The following SLC9C1 variants were observed in gnomAD, a reference collection of about 807,000 sequenced individuals.
The protein encoded by SLC9C1 is solute carrier family 9 member C1, also known as sodium/hydrogen exchanger 10.
SLC9C1 carries 97 observed loss-of-function variants against 140.9 expected under a neutral mutation model. The ratio of observed to expected loss-of-function variants is 0.69; its 90% CI spans 0.58 to 0.82. The LOEUF (loss-of-function observed/expected upper bound fraction) is 0.82, where lower values mean the gene tolerates loss of function less well. Among genes scored for constraint, SLC9C1 ranks in the 40% least tolerant of loss-of-function variants. SLC9C1 has a pLI of 0.00. For synonymous variants in SLC9C1, 440 were observed against 442.6 expected (o/e 0.99, Z 0.07); for missense variants, 1,340 against 1,389.3 (o/e 0.96, Z 0.56).
intron 12 of SLC9C1, among the ~76,000 whole-genome samples, chr3:112,237,995 T>C (rs1382882346): frequency 6.6e-6 from 1 of 152,216 alleles, no homozygotes; most frequent in Non-Finnish European, 1.5e-5. Context: ...TGAATTTGAA[T>C]GTTGGCCTGC....
Position 112,154,878 on chromosome 3 carries a change from T to C in SLC9C1, c.3417+119A>G, listed in dbSNP as rs897168754. ...AAAATAAGTGTTTTACACCAAAATC[T>C]ACAAAATGACTAGCAGATGAACTTT... On this transcript the variant is annotated intron_variant, in intron 27 of 28. Transcript: ENST00000305815. 9.8e-6 allele frequency: 9 copies of C among 919,552 alleles called. No homozygotes were observed. In the Admixed American group the frequency reaches 1.0e-4, roughly 11 times the overall value. 57.0% of individuals were successfully genotyped at this position (919,552 alleles called of 1,614,324 possible).
intron 13 of SLC9C1, among the ~76,000 whole-genome samples, chr3:112,224,525 G>A (rs558585073): frequency 1.0e-3 from 159 of 152,108 alleles, no homozygotes; most frequent in Middle Eastern, 3.4e-3. Flanking sequence ...ATGATATTAA[G>A]GAAACTCAGC....
chr3:112,292,710 AT>A (rs981108496), intron 1 of SLC9C1, among the ~76,000 whole-genome samples: 22 of 150,810 alleles, frequency 1.5e-4, no homozygotes, highest in African/African-American at 5.4e-4. Flanking sequence ...CGCCCGGCTA[AT>A]TTTTTGTATT....
intron 10 of SLC9C1, among the ~76,000 whole-genome samples, chr3:112,259,747 C>G (rs973746040): frequency 6.6e-6 from 1 of 152,116 alleles, no homozygotes; most frequent in Non-Finnish European, 1.5e-5. Context: ...TACAACAAAC[C>G]TGCACATGTA....
At chr3:112,216,208 A>C (rs1034230392) in intron 15 of SLC9C1, among the ~76,000 whole-genome samples, 7 of 152,252 alleles carry the variant, frequency 4.6e-5, no homozygotes, top group African/African-American at 1.7e-4. Context: ...AATCAATTCA[A>C]GATGGATTAA....
chr3:112,183,670 T>TTG, intron 20 of SLC9C1, among the ~76,000 whole-genome samples: 1 of 119,020 alleles, frequency 8.4e-6, no homozygotes, highest in Admixed American at 9.0e-5. Context: ...TATTCACGCA[T>TTG]GGGGGGCAGA....
rs545111567 is a variant in SLC9C1, at chr3:112,241,749, A to G, written c.1280-1743T>C. On this transcript the variant is annotated intron_variant, in intron 11 of 28. Coordinates refer to ENST00000305815, the MANE Select transcript of SLC9C1 (RefSeq NM_183061.3). ...TAACATGGTATTGGTACAAAAACAG[A>G]TACATAGCTCAATGGGACAGAATAG... is the stretch of plus-strand genomic sequence containing the variant. 7.9e-5 allele frequency among the ~76,000 whole-genome samples: 12 copies of G among 152,322 alleles called. 1 individual carries two copies. In the South Asian group the frequency reaches 2.5e-3, roughly 32 times the overall value.
At chr3:112,151,161 G>A (rs2074967015) in intron 28 of SLC9C1, among the ~76,000 whole-genome samples, 1 of 152,032 alleles carries the variant, frequency 6.6e-6, no homozygotes, top group African/African-American at 2.4e-5. Context: ...TTAAAATGGA[G>A]ATAAACCTAT....
At chr3:112,197,197 G>A (rs1052453552) in intron 20 of SLC9C1, among the ~76,000 whole-genome samples, 1 of 152,058 alleles carries the variant, frequency 6.6e-6, no homozygotes, top group Middle Eastern at 3.2e-3. Flanking sequence ...CTGTGAAGTG[G>A]TGGTTTTTGA....
chr3:112,282,418 T>C (rs967369661), intron 2 of SLC9C1, among the ~76,000 whole-genome samples: 3 of 152,226 alleles, frequency 2.0e-5, no homozygotes, highest in Non-Finnish European at 4.4e-5. Flanking sequence ...ATCTGCTTAT[T>C]ATGAGAGTGT....
At position 112,277,824 on chromosome 3, in the gene SLC9C1, A is replaced by C. The variant is rs921470685; in HGVS notation, c.355T>G (p.Tyr119Asp). 3 of 1,602,430 alleles carry C rather than the reference A, an allele frequency of 1.9e-6. No homozygotes were observed. In the African/African-American group the frequency reaches 4.0e-5, roughly 22 times the overall value. The change falls in exon 5 of 29, where the codon TAT becomes GAT. Residue 119 changes from tyrosine (Y) to aspartate (D), a missense_variant. Tyr to Asp is a radical substitution (Grantham distance 160). Coordinates refer to ENST00000305815, the MANE Select transcript of SLC9C1 (RefSeq NM_183061.3). ...LISIPGFLVN[Y>D]ILVLWHLASV... is the part of the protein sequence containing the mutation. ...GCCAGATGCCAAAGAACTAAGATATAATTAACCAAAAAGCCGGGAATTGAA... is the reference window on the plus strand; with the variant it reads ...GCCAGATGCCAAAGAACTAAGATATCATTAACCAAAAAGCCGGGAATTGAA...
At chr3:112,151,332 C>T (rs1338836353) in intron 28 of SLC9C1, 1 of 518,930 alleles carries the variant, frequency 1.9e-6, no homozygotes, top group Admixed American at 1.9e-5. Context: ...TTTCTTTTAT[C>T]CTCTCTTGTG....
intron 26 of SLC9C1, among the ~76,000 whole-genome samples, chr3:112,162,330 G>A (rs1465479117): frequency 1.3e-5 from 2 of 152,022 alleles, no homozygotes; most frequent in African/African-American, 4.8e-5. Flanking sequence ...GGTGAGAGAG[G>A]GCATCCCTGT....
At chr3:112,242,832 G>C (rs1385213880) in intron 11 of SLC9C1, among the ~76,000 whole-genome samples, 1 of 150,204 alleles carries the variant, frequency 6.7e-6, no homozygotes, top group African/African-American at 2.4e-5. Context: ...AAATTAAAAC[G>C]AAAAAAAAGT....
intron 26 of SLC9C1, among the ~76,000 whole-genome samples, chr3:112,162,583 G>T (rs1029228127): frequency 2.0e-5 from 3 of 152,264 alleles, no homozygotes; most frequent in African/African-American, 7.2e-5. Flanking sequence ...TTATTGATTT[G>T]CGTATATTGA....
chr3:112,214,650 C>T (rs905486464), intron 15 of SLC9C1, among the ~76,000 whole-genome samples: 4 of 152,160 alleles, frequency 2.6e-5, no homozygotes, highest in African/African-American at 9.7e-5. Context: ...CCTCCCAAGA[C>T]TAAACCAGGA....
At chr3:112,281,495 T>C (rs1382234294) in intron 2 of SLC9C1, among the ~76,000 whole-genome samples, 1 of 152,200 alleles carries the variant, frequency 6.6e-6, no homozygotes, top group East Asian at 1.9e-4. Flanking sequence ...GATACACCGA[T>C]TTTTAATTCA....
intron 15 of SLC9C1, among the ~76,000 whole-genome samples, chr3:112,217,023 C>T (rs1344063187): frequency 6.6e-6 from 1 of 152,026 alleles, no homozygotes; most frequent in African/African-American, 2.4e-5. Flanking sequence ...TACTATGCAG[C>T]CATAAAAAGG....
chr3:112,151,754 A>G (rs899179936), intron 28 of SLC9C1, 103 bp downstream of exon 28: 53 of 815,496 alleles, frequency 6.5e-5, no homozygotes, highest in Non-Finnish European at 1.0e-4. Flanking sequence ...GGAAAGAGCT[A>G]TAATTCACAC....
Sources: allele counts gnomAD v4.1 joint callset (sites outside exome capture counted in the v4.1 genomes callset), GRCh38; gene constraint gnomAD v4.1.1; transcripts MANE v1.5; gene names NCBI Gene and HGNC (gene_info 2026-07-23, HGNC 2026-07-21).